Variants in DNPEP observed in about 807,000 individuals in gnomAD.
DNPEP encodes aspartyl aminopeptidase.
DNPEP carries 46 observed loss-of-function variants against 59.1 expected under a neutral mutation model. That is an observed-to-expected ratio of 0.78 (90% confidence interval 0.61 to 0.99). DNPEP has a LOEUF of 0.99. Among genes scored for constraint, DNPEP ranks in the 50% least tolerant of loss-of-function variants. The pLI is 0.00. For synonymous variants in DNPEP, 229 were observed against 242.2 expected, an observed-to-expected ratio of 0.95 and a Z score of 0.50; for missense variants, 617 against 649.9, an observed-to-expected ratio of 0.95 and a Z score of 0.55.
At chr2:219,386,514 G>A in intron 4 of DNPEP, 103 bp from the exon 5 acceptor site, 1 of 1,540,608 alleles carries the variant, frequency 6.5e-7, no homozygotes, top group South Asian at 1.2e-5. Context: ...AGTGTCACAT[G>A]AAAGGCTCAA....
chr2:219,378,075 T>C (rs996095543), intron 13 of DNPEP, among the ~76,000 whole-genome samples: 6 of 152,224 alleles, frequency 3.9e-5, no homozygotes, highest in African/African-American at 7.2e-5. Context: ...TGGAAGACTA[T>C]ACCAAATTTC....
At chr2:219,378,151 C>T (rs1479679208) in intron 13 of DNPEP, among the ~76,000 whole-genome samples, 1 of 152,074 alleles carries the variant, frequency 6.6e-6, no homozygotes, top group African/African-American at 2.4e-5. Context: ...TACATGTGTC[C>T]TACTTCTGCT....
At chr2:219,396,906 G>C (rs1954107146) in intron 1 of DNPEP, among the ~76,000 whole-genome samples, 1 of 152,110 alleles carries the variant, frequency 6.6e-6, no homozygotes, top group African/African-American at 2.4e-5. Context: ...CAAATAAAAA[G>C]GTTTTCAGAA....
intron 4 of DNPEP, 125 bp from the exon 5 acceptor site, chr2:219,386,536 A>T: frequency 6.7e-7 from 1 of 1,481,484 alleles, no homozygotes; most frequent in Non-Finnish European, 9.2e-7. Context: ...GTGTGAAGGA[A>T]GGGGCCAACA....
At position 219,386,944 on chromosome 2, in the gene DNPEP, C is replaced by T; in HGVS notation, c.167G>A (p.Gly56Asp). The T allele has an allele frequency of 6.2e-7, 1 of 1,614,010 alleles. No individual in the cohort carries two copies. The highest frequency in any genetic ancestry group is 1.1e-5 in the South Asian group (1 of 91,070). ...AECRNRLLQA[G>D]FSELKETEKW... ...CTCAGTCTCCTTGAGTTCACTGAAG[C>T]CAGCCTGGAGAAGGCGGTTGCGGCA... The change falls in exon 3 of 15, where the codon GGC becomes GAC. Residue 56 changes from glycine to aspartate, a missense_variant. Gly to Asp is a moderately conservative substitution (Grantham distance 94). Coordinates refer to ENST00000273075, the MANE Select transcript of DNPEP (RefSeq NM_012100.4).
At chr2:219,394,959 G>A (rs932058407) in intron 1 of DNPEP, among the ~76,000 whole-genome samples, 43 of 151,590 alleles carry the variant, frequency 2.8e-4, no homozygotes, top group Non-Finnish European at 5.5e-4. Flanking sequence ...AACAAGACAA[G>A]GTTTTTTTTT....
At chr2:219,399,947 C>A (rs1037007133) in exon 1 of DNPEP, 2 of 1,548,440 alleles carry the variant, frequency 1.3e-6, no homozygotes, top group African/African-American at 2.7e-5. Context: ...CACCTCCTCC[C>A]AAGGCTGGAG....
Position 219,373,074 on chromosome 2 carries a change from C to CTTT in DNPEP, c.*1215_*1217dup, listed in dbSNP as rs1043331196. ...AAGCAGGCTTTGACTTTTTCTTTTT[C>CTTT]TTTTTTTTTTTTTGAGAGAGTTTCA... On this transcript the variant is annotated 3_prime_UTR_variant, in exon 15 of 15. Coordinates refer to ENST00000273075, the MANE Select transcript of DNPEP (RefSeq NM_012100.4). Among the ~76,000 whole-genome samples the CTTT allele has an allele frequency of 7.0e-6, 1 of 142,508 alleles. No homozygotes were observed. Among genetic ancestry groups the CTTT allele is most frequent in the South Asian group, 2.2e-4 (1 of 4,544 alleles). The allele number at this position is 142,508 out of a possible 152,430, so 93.5% of individuals were successfully genotyped here.
chr2:219,384,335 A>G, intron 9 of DNPEP, 31 bp downstream of exon 9: 1 of 1,588,768 alleles, frequency 6.3e-7, no homozygotes, highest in Non-Finnish European at 8.6e-7. Context: ...GCTGGTGGTT[A>G]TGTGCTGCCT....
chr2:219,393,057 C>T (rs933175288), upstream of DNPEP, among the ~76,000 whole-genome samples: 1 of 152,172 alleles, frequency 6.6e-6, no homozygotes, highest in Non-Finnish European at 1.5e-5. Context: ...CACTTTAAAC[C>T]AGTGGTGTCC....
At chr2:219,380,146 T>G (rs959779446) in intron 13 of DNPEP, among the ~76,000 whole-genome samples, 1 of 151,732 alleles carries the variant, frequency 6.6e-6, no homozygotes, top group Admixed American at 6.6e-5. Flanking sequence ...CCTATACAGG[T>G]GGACCATTTT....
At chr2:219,387,686 A>T in intron 1 of DNPEP, 73 bp downstream of exon 1, 3 of 1,598,426 alleles carry the variant, frequency 1.9e-6, no homozygotes, top group Non-Finnish European at 1.7e-6. Flanking sequence ...GCACCGCGCT[A>T]AGCTTGGGCC....
intron 1 of DNPEP, 127 bp from the exon 2 acceptor site, chr2:219,387,290 C>CGG: frequency 6.9e-7 from 1 of 1,449,706 alleles, no homozygotes; most frequent in South Asian, 1.5e-5. Flanking sequence ...CTGCTTCCGC[C>CGG]CGTCCCCACC....
At chr2:219,377,355 A>T (rs973032403) in intron 13 of DNPEP, among the ~76,000 whole-genome samples, 8 of 151,752 alleles carry the variant, frequency 5.3e-5, no homozygotes, top group African/African-American at 1.7e-4. Context: ...GATAGGAAAT[A>T]CGGGGCTTAC....
rs549876069 is a variant in DNPEP, at chr2:219,386,661, T to C, written c.333+4A>G. On this transcript the variant is annotated splice_donor_region_variant and intron_variant, in intron 4 of 14. Transcript: ENST00000273075. ...CCCACCCCAACACCGTCCGAGTTCCTTACCCGGAGGCAGGGGCTGTCCGTG... is the reference window on the plus strand; with the variant it reads ...CCCACCCCAACACCGTCCGAGTTCCCTACCCGGAGGCAGGGGCTGTCCGTG... 1.2e-6 allele frequency: 2 copies of C among 1,609,378 alleles called. No individual in the cohort carries two copies. Among genetic ancestry groups the C allele is most frequent in the South Asian group, 2.2e-5 (2 of 89,938 alleles).
At chr2:219,381,647 C>A in intron 11 of DNPEP, 63 bp from the exon 12 acceptor site, 1 of 1,532,418 alleles carries the variant, frequency 6.5e-7, no homozygotes, top group Non-Finnish European at 9.0e-7. Flanking sequence ...CACTCACCAC[C>A]CTCCCATGGC....
At chr2:219,376,456 C>G (rs1156437140) in intron 13 of DNPEP, among the ~76,000 whole-genome samples, 3 of 150,692 alleles carry the variant, frequency 2.0e-5, no homozygotes, top group Non-Finnish European at 4.4e-5. Context: ...ACACTACACT[C>G]CAGCCTGGGC....
At chr2:219,391,261 C>T (rs946379455), upstream of DNPEP, among the ~76,000 whole-genome samples, 1 of 152,200 alleles carries the variant, frequency 6.6e-6, no homozygotes, top group Admixed American at 6.5e-5. Flanking sequence ...ATGTCAGCCT[C>T]TTTCGTCGGC....
intron 1 of DNPEP, among the ~76,000 whole-genome samples, chr2:219,398,204 G>C (rs563003652): frequency 6.6e-6 from 1 of 152,354 alleles, no homozygotes; most frequent in Admixed American, 6.5e-5. Context: ...TAAGTGGGCA[G>C]TACTTGTGAG....
Sources: allele counts gnomAD v4.1 joint callset (sites outside exome capture counted in the v4.1 genomes callset), GRCh38; gene constraint gnomAD v4.1.1; transcripts MANE v1.5; gene names NCBI Gene and HGNC (gene_info 2026-07-23, HGNC 2026-07-21).